The following IQCH variants were observed in gnomAD, a reference collection of about 807,000 sequenced individuals.
IQCH encodes the protein IQ domain-containing protein H.
IQCH carries 98 observed loss-of-function variants against 117.0 expected under a neutral mutation model. The ratio of observed to expected loss-of-function variants is 0.84; its 90% CI spans 0.71 to 0.99. The LOEUF is 0.99. IQCH is among the 50% of genes least tolerant of loss of function. The pLI is 0.00. For synonymous variants in IQCH, 412 were observed against 448.2 expected, an observed-to-expected ratio of 0.92 and a Z score of 1.02; for missense variants, 1,102 against 1,243.8, an observed-to-expected ratio of 0.89 and a Z score of 1.72.
intron 10 of IQCH, among the ~76,000 whole-genome samples, chr15:67,379,612 G>A (rs1331605672): frequency 6.6e-6 from 1 of 152,082 alleles, no homozygotes. Context: ...GGTGGGAGAC[G>A]ATTGGATTAC....
In IQCH at chr15:67,457,758, C is replaced by T. The variant is rs540258910; in HGVS notation, c.2506-7369C>T. On this transcript the variant is annotated intron_variant, in intron 16 of 20. Coordinates refer to ENST00000335894, the MANE Select transcript of IQCH (RefSeq NM_001031715.3). The surrounding 1 kb of genome is among the most constrained non-coding windows in gnomAD (Gnocchi z 5.7). The stretch of plus-strand genomic sequence containing the variant: ...AAGACCACAAGGCCAGCACTCCCAG[C>T]GAGGTCCTGTGACTCTGGTCCAGGG... 1.3e-5 allele frequency among the ~76,000 whole-genome samples: 2 copies of T among 152,292 alleles called. No homozygotes were observed. Among genetic ancestry groups the T allele is most frequent in the East Asian group, 1.9e-4 (1 of 5,190 alleles).
intron 3 of IQCH, among the ~76,000 whole-genome samples, chr15:67,275,434 T>C (rs1006653270): frequency 6.6e-6 from 1 of 152,110 alleles, no homozygotes; most frequent in Non-Finnish European, 1.5e-5. Context: ...TTCTGGGTTA[T>C]TGCTGGTAAT....
At position 67,370,968 on chromosome 15, in the gene IQCH, G is replaced by C. The variant is rs1970508444; in HGVS notation, c.754-1143G>C. 6.6e-6 allele frequency among the ~76,000 whole-genome samples: 1 copy of C among 151,164 alleles called. No homozygotes were observed. The highest frequency in any genetic ancestry group is 1.5e-5 in the Non-Finnish European group (1 of 67,738). On this transcript the variant is annotated intron_variant, in intron 8 of 20. Coordinates refer to ENST00000335894, the MANE Select transcript of IQCH (RefSeq NM_001031715.3). This position sits in a 1 kb window ranked among gnomAD's most constrained non-coding sequence, Gnocchi z 5.6. Reference sequence around the variant, plus strand: ...ATCATTATGGATAAATTGCTGGGGGGGGTTTTCTTTGAGTTTTTTGAAAAC... The same window carrying C: ...ATCATTATGGATAAATTGCTGGGGGCGGTTTTCTTTGAGTTTTTTGAAAAC...
At chr15:67,277,343 T>A (rs1387905535) in intron 3 of IQCH, among the ~76,000 whole-genome samples, 1 of 152,188 alleles carries the variant, frequency 6.6e-6, no homozygotes, top group Non-Finnish European at 1.5e-5. Context: ...TCAGACTGTT[T>A]TTTTTCTTGC....
intron 10 of IQCH, among the ~76,000 whole-genome samples, chr15:67,380,430 C>T (rs1243723388): frequency 6.6e-6 from 1 of 152,178 alleles, no homozygotes; most frequent in Admixed American, 6.5e-5. Flanking sequence ...AATTGATATA[C>T]TATATAAATA....
At chr15:67,434,194 T>C (rs914826502) in intron 16 of IQCH, among the ~76,000 whole-genome samples, 5 of 152,206 alleles carry the variant, frequency 3.3e-5, no homozygotes, top group African/African-American at 1.2e-4. Context: ...TCATTCATCT[T>C]ATAACTGAAG....
At position 67,395,701 on chromosome 15, in the gene IQCH, A is replaced by G. The variant is rs977767549; in HGVS notation, c.1905+138A>G. 1.2e-5 allele frequency: 3 copies of G among 242,578 alleles called. No individual in the cohort carries two copies. Among genetic ancestry groups the G allele is most frequent in the Non-Finnish European group, 2.0e-5 (3 of 146,570 alleles). 15.0% of individuals were successfully genotyped at this position (242,578 alleles called of 1,614,324 possible). A position where few individuals can be genotyped will look rare whatever the true frequency, so the allele number is the denominator to read the frequency against. ...TATTTGAGTTGATTTGAGGGAATCTACTTTATTTATTTATTTATTTATTTA... is the reference window on the plus strand; with the variant it reads ...TATTTGAGTTGATTTGAGGGAATCTGCTTTATTTATTTATTTATTTATTTA... On this transcript the variant is annotated intron_variant, in intron 13 of 20. Coordinates refer to ENST00000335894, the MANE Select transcript of IQCH (RefSeq NM_001031715.3). The surrounding 1 kb of genome is among the most constrained non-coding windows in gnomAD (Gnocchi z 4.0).
At position 67,411,769 on chromosome 15, in the gene IQCH, A is replaced by G. The variant is rs2081457840; in HGVS notation, c.2098-5162A>G. On this transcript the variant is annotated intron_variant, in intron 14 of 20. Transcript: ENST00000335894. The surrounding 1 kb of genome is among the most constrained non-coding windows in gnomAD (Gnocchi z 4.4). ...TAAGCTTTAGTCACTAGCTTTAGTC[A>G]TTGAGTGCAATGGAGAGTCTACTGG... is the stretch of plus-strand genomic sequence containing the variant. Among the ~76,000 whole-genome samples, 1 of 152,240 alleles carries G rather than the reference A, an allele frequency of 6.6e-6. No homozygotes were observed. Among genetic ancestry groups the G allele is most frequent in the Non-Finnish European group, 1.5e-5 (1 of 68,040 alleles).
At chr15:67,470,335 G>T (rs906219214) in intron 17 of IQCH, among the ~76,000 whole-genome samples, 6 of 152,140 alleles carry the variant, frequency 3.9e-5, no homozygotes, top group Non-Finnish European at 8.8e-5. Flanking sequence ...CCGCGACCAT[G>T]CCTGGCTAAT....
At chr15:67,435,088 C>T (rs2082107284) in intron 16 of IQCH, among the ~76,000 whole-genome samples, 1 of 150,726 alleles carries the variant, frequency 6.6e-6, no homozygotes, top group Admixed American at 6.6e-5. Context: ...AACTCCTGAC[C>T]TCGTGATCCA....
Position 67,376,086 on chromosome 15 carries a change from C to T in IQCH, c.1372+2653C>T, listed in dbSNP as rs1053599030. Among the ~76,000 whole-genome samples the T allele has an allele frequency of 7.2e-5, 11 of 152,224 alleles. No homozygotes were observed. The highest frequency in any genetic ancestry group is 2.2e-4 in the African/African-American group (9 of 41,540). On this transcript the variant is annotated intron_variant, in intron 10 of 20. Coordinates refer to ENST00000335894, the MANE Select transcript of IQCH (RefSeq NM_001031715.3). This position sits in a 1 kb window ranked among gnomAD's most constrained non-coding sequence, Gnocchi z 5.0. ...ATAGGTGTGAGCCACCGCATCCGGC[C>T]GTGCTTTGGATTTTATACAAATGAC...
At chr15:67,281,887 A>G in intron 4 of IQCH, 1 of 403,586 alleles carries the variant, frequency 2.5e-6, no homozygotes, top group Non-Finnish European at 5.0e-6. Flanking sequence ...CTGCATGTAA[A>G]ATATCAGTTC....
Position 67,475,505 on chromosome 15 carries a change from T to C in IQCH, c.2677-191T>C, listed in dbSNP as rs1463967875. ...AAAATAAAATAAAAATAAAAAGTAA[T>C]GTAGCAATTTGTTCCCTTAGTTGTG... On this transcript the variant is annotated intron_variant, in intron 17 of 20. Coordinates refer to ENST00000335894, the MANE Select transcript of IQCH (RefSeq NM_001031715.3). This position sits in a 1 kb window ranked among gnomAD's most constrained non-coding sequence, Gnocchi z 5.7. Among the ~76,000 whole-genome samples, 3 of 152,114 alleles carry C rather than the reference T, an allele frequency of 2.0e-5. No individual in the cohort carries two copies. Among genetic ancestry groups the C allele is most frequent in the Non-Finnish European group, 4.4e-5 (3 of 68,016 alleles).
chr15:67,444,883 A>G (rs1156882141), intron 16 of IQCH, among the ~76,000 whole-genome samples: 2 of 152,242 alleles, frequency 1.3e-5, no homozygotes, highest in Admixed American at 6.5e-5. Flanking sequence ...ATAGGCAATT[A>G]CTGACACCAT....
Position 67,358,755 on chromosome 15 carries a change from G to A in IQCH, c.715-1092G>A, listed in dbSNP as rs148928821. 6.7e-4 allele frequency among the ~76,000 whole-genome samples: 102 copies of A among 152,308 alleles called. 1 individual carries two copies. The highest frequency in any genetic ancestry group is 4.3e-3 in the Admixed American group (65 of 15,294). Reference sequence around the variant, plus strand: ...AAGAAAGAAAGAGAAATTGAAGAGCGGAACAAGAGAAATTAATCCTACTGC... The same window carrying A: ...AAGAAAGAAAGAGAAATTGAAGAGCAGAACAAGAGAAATTAATCCTACTGC... On this transcript the variant is annotated intron_variant, in intron 7 of 20. Coordinates refer to ENST00000335894, the MANE Select transcript of IQCH (RefSeq NM_001031715.3).
chr15:67,436,431 C>T lies in IQCH; in HGVS notation c.2505+14854C>T, dbSNP rs2082138340. On this transcript the variant is annotated intron_variant, in intron 16 of 20. Transcript: ENST00000335894. This position sits in a 1 kb window ranked among gnomAD's most constrained non-coding sequence, Gnocchi z 5.1. ...AGGCCCTAGGAGCTCACTGCATCCC[C>T]TAGCAGCCCATTTCTGCCTGGCACC... Among the ~76,000 whole-genome samples, 1 of 152,164 alleles carries T rather than the reference C, an allele frequency of 6.6e-6. No individual in the cohort carries two copies. The highest frequency in any genetic ancestry group is 6.5e-5 in the Admixed American group (1 of 15,280).
chr15:67,254,876 T>G lies in IQCH; in HGVS notation c.-21T>G. ...CTTGGAAACCGCGCCTCCGCGGAGG[T>G]AGCCGTTCCCTGACCTAGCCATGGC... On this transcript the variant is annotated 5_prime_UTR_variant, in exon 1 of 21. Coordinates refer to ENST00000335894, the MANE Select transcript of IQCH (RefSeq NM_001031715.3). The G allele has an allele frequency of 1.9e-6, 3 of 1,611,920 alleles. No homozygotes were observed. Among genetic ancestry groups the G allele is most frequent in the Non-Finnish European group, 2.5e-6 (3 of 1,178,874 alleles).
chr15:67,437,687 T>A (rs191789508), intron 16 of IQCH, among the ~76,000 whole-genome samples: 4 of 152,062 alleles, frequency 2.6e-5, no homozygotes, highest in African/African-American at 9.6e-5. Flanking sequence ...TTCAAGGAAA[T>A]AGCTTAAAGA....
rs4776931 is a variant in IQCH at position 67,436,475 on chromosome 15, G to T, written c.2505+14898G>T. On this transcript the variant is annotated intron_variant, in intron 16 of 20. Coordinates refer to ENST00000335894, the MANE Select transcript of IQCH (RefSeq NM_001031715.3). The surrounding 1 kb of genome is among the most constrained non-coding windows in gnomAD (Gnocchi z 5.1). ...TGGCACCACAGGGATCCATCAGGAC[G>T]GTGGCCAGAGAAGCAGGCGGTAAAT... Among the ~76,000 whole-genome samples, 1 of 152,046 alleles carries T rather than the reference G, an allele frequency of 6.6e-6. No individual in the cohort carries two copies. Among genetic ancestry groups the T allele is most frequent in the Non-Finnish European group, 1.5e-5 (1 of 68,008 alleles).
Sources: allele counts gnomAD v4.1 joint callset (sites outside exome capture counted in the v4.1 genomes callset), GRCh38; gene constraint gnomAD v4.1.1; non-coding constraint Gnocchi (gnomAD v3.1); transcripts MANE v1.5; gene names NCBI Gene and HGNC (gene_info 2026-07-23, HGNC 2026-07-21).